The following DTD1 variants were observed in gnomAD, a reference collection of about 807,000 sequenced individuals.
DTD1 encodes the protein D-tyrosyl-tRNA deacylase 1 homolog.
A neutral mutation model predicts 25.6 loss-of-function variants in DTD1; 13 were observed. The ratio of observed to expected loss-of-function variants is 0.51; its 90% CI spans 0.33 to 0.81. DTD1 has a LOEUF of 0.81. DTD1 is among the 30% of genes least tolerant of loss of function. The probability of loss-of-function intolerance (pLI) is 0.02; values close to 1 mark genes in which losing one functional copy is unlikely to be tolerated. For synonymous variants in DTD1, 110 were observed against 103.6 expected (o/e 1.06, Z -0.37); for missense variants, 193 against 266.4 (o/e 0.72, Z 1.92).
chr20:18,588,929 A>G, intron 1 of DTD1: 2 of 938,932 alleles, frequency 2.1e-6, no homozygotes, highest in Non-Finnish European at 2.5e-6. Flanking sequence ...CAAGCTTTAT[A>G]TTGTCTTTAG....
chr20:18,760,355 T>A (rs1326806355), intron 5 of DTD1, among the ~76,000 whole-genome samples: 1 of 152,192 alleles, frequency 6.6e-6, no homozygotes, highest in Non-Finnish European at 1.5e-5. Context: ...GTTTTCCTCA[T>A]CTTTATGGTT....
chr20:18,599,038 G>A (rs1035964537), intron 3 of DTD1, among the ~76,000 whole-genome samples: 3 of 152,040 alleles, frequency 2.0e-5, no homozygotes, highest in Non-Finnish European at 4.4e-5. Context: ...AGCTCATTTT[G>A]TATTAGCACT....
chr20:18,743,832 G>C (rs1024850905), intron 4 of DTD1, among the ~76,000 whole-genome samples: 1 of 152,152 alleles, frequency 6.6e-6, no homozygotes, highest in Non-Finnish European at 1.5e-5. Context: ...TGGCATGACC[G>C]CTCCCTCATA....
At chr20:18,639,483 C>T (rs557044907) in intron 4 of DTD1, among the ~76,000 whole-genome samples, 1 of 152,186 alleles carries the variant, frequency 6.6e-6, no homozygotes, top group East Asian at 1.9e-4. Context: ...TATGGAAAGT[C>T]ATTGTCAGAA....
intron 1 of DTD1, among the ~76,000 whole-genome samples, chr20:18,593,078 C>G (rs1160350098): frequency 6.6e-6 from 1 of 151,376 alleles, no homozygotes; most frequent in Admixed American, 6.6e-5. Flanking sequence ...GGAGTGTGTG[C>G]TTAGAGCCTT....
chr20:18,625,244 G>A (rs1338072723), intron 3 of DTD1, among the ~76,000 whole-genome samples: 2 of 152,210 alleles, frequency 1.3e-5, no homozygotes, highest in East Asian at 3.9e-4. Context: ...CCTAGGCCTA[G>A]CCCTCAAACT....
At chr20:18,756,290 C>G (rs2061339113) in intron 5 of DTD1, among the ~76,000 whole-genome samples, 1 of 152,040 alleles carries the variant, frequency 6.6e-6, no homozygotes, top group African/African-American at 2.4e-5. Flanking sequence ...TCCCATTTGT[C>G]AATTTTGGCT....
intron 4 of DTD1, among the ~76,000 whole-genome samples, chr20:18,634,244 T>C (rs2122324867): frequency 6.6e-6 from 1 of 152,360 alleles, no homozygotes; most frequent in African/African-American, 2.4e-5. Context: ...TCTTAAGTGC[T>C]CTTTCTCTGC....
At chr20:18,699,890 G>A (rs6112071) in intron 4 of DTD1, among the ~76,000 whole-genome samples, 62,205 of 152,030 alleles carry the variant, frequency 0.41, 14,259 homozygotes, top group East Asian at 0.59. Flanking sequence ...CCAGCTTCCC[G>A]AAGTGTTAAT....
chr20:18,711,334 C>A (rs771336378), intron 4 of DTD1, among the ~76,000 whole-genome samples: 3 of 152,166 alleles, frequency 2.0e-5, no homozygotes, highest in African/African-American at 4.8e-5. Context: ...GACTCTCAAC[C>A]CCATCTCCTT....
At chr20:18,758,003 G>A (rs893394219) in intron 5 of DTD1, among the ~76,000 whole-genome samples, 5 of 152,198 alleles carry the variant, frequency 3.3e-5, no homozygotes, top group African/African-American at 1.2e-4. Context: ...GTCTTGGGAG[G>A]GTGTATGTGT....
At chr20:18,718,213 T>C (rs979363539) in intron 4 of DTD1, among the ~76,000 whole-genome samples, 3 of 152,270 alleles carry the variant, frequency 2.0e-5, no homozygotes, top group African/African-American at 7.2e-5. Context: ...ATATTTATTT[T>C]GGATAAAAAG....
intron 4 of DTD1, among the ~76,000 whole-genome samples, chr20:18,642,372 A>G (rs1284666773): frequency 2.0e-5 from 3 of 152,166 alleles, no homozygotes; most frequent in Admixed American, 6.5e-5. Context: ...AGGCTGTGTC[A>G]GTAGGGTAGT....
chr20:18,749,658 T>C lies in DTD1; in HGVS notation c.*19+5387T>C, dbSNP rs1196962179. The stretch of plus-strand genomic sequence containing the variant: ...GAGGCCAGGTCAGCCAGAGAGGGCC[T>C]TGGGTCCCTGAGCAAGAGACACCAA... On this transcript the variant is annotated intron_variant, in intron 5 of 5. Coordinates refer to ENST00000377452, the MANE Select transcript of DTD1 (RefSeq NM_080820.6). The surrounding 1 kb of genome is among the most constrained non-coding windows in gnomAD (Gnocchi z 4.2). Among the ~76,000 whole-genome samples the C allele has an allele frequency of 6.6e-6, 1 of 152,174 alleles. No homozygotes were observed. The highest frequency in any genetic ancestry group is 1.5e-5 in the Non-Finnish European group (1 of 68,026).
chr20:18,640,989 C>G (rs2060826003), intron 4 of DTD1, among the ~76,000 whole-genome samples: 1 of 152,130 alleles, frequency 6.6e-6, no homozygotes, highest in Admixed American at 6.5e-5. Flanking sequence ...GTAGTAATTC[C>G]CGATTCTCTT....
At chr20:18,639,466 T>C (rs1486159532) in intron 4 of DTD1, among the ~76,000 whole-genome samples, 1 of 152,152 alleles carries the variant, frequency 6.6e-6, no homozygotes, top group African/African-American at 2.4e-5. Context: ...TCATTGAGCT[T>C]GGAAATTATG....
chr20:18,733,922 G>C (rs1353136001), intron 4 of DTD1, among the ~76,000 whole-genome samples: 1 of 152,120 alleles, frequency 6.6e-6, no homozygotes, highest in Non-Finnish European at 1.5e-5. Flanking sequence ...CACTCTACAC[G>C]GTGTGTTATG....
At chr20:18,684,214 AC>A (rs1208496241) in intron 4 of DTD1, among the ~76,000 whole-genome samples, 1 of 150,736 alleles carries the variant, frequency 6.6e-6, no homozygotes, top group African/African-American at 2.4e-5. Context: ...TCCCCACCCC[AC>A]CCCTGCATGA....
In DTD1 at chr20:18,744,310, TG is replaced by T; in HGVS notation, c.*19+43del. The T allele has an allele frequency of 3.8e-6, 6 of 1,597,496 alleles. No individual in the cohort carries two copies. In the Admixed American group the frequency reaches 1.0e-4, roughly 27 times the overall value. ...TGCTTGGCTTCATCTTCCCACATTT[TG>T]GGGAAGCAGCAATGAATAGGAGGGA... On this transcript the variant is annotated intron_variant, in intron 5 of 5. Transcript: ENST00000377452.
Sources: gnomAD v4.1 joint callset for allele counts (sites outside exome capture counted in the v4.1 genomes callset) on GRCh38, gnomAD v4.1.1 for gene constraint, Gnocchi (gnomAD v3.1) non-coding constraint, MANE v1.5 for transcripts, NCBI Gene and HGNC (gene_info 2026-07-23, HGNC 2026-07-21) for gene names.